Variants in CALR3 observed in about 807,000 individuals in gnomAD.
CALR3 encodes the protein calreticulin-3.
A neutral mutation model predicts 48.7 loss-of-function variants in CALR3; 39 were observed. The ratio of observed to expected loss-of-function variants is 0.80; its 90% CI spans 0.62 to 1.05. CALR3 has a LOEUF of 1.05. Among genes scored for constraint, CALR3 ranks in the 50% least tolerant of loss-of-function variants. CALR3 has a pLI of 0.00. For missense variants in CALR3, 449 were observed against 474.7 expected, an observed-to-expected ratio of 0.95 and a Z score of 0.50; for synonymous variants, 185 against 172.7, an observed-to-expected ratio of 1.07 and a Z score of -0.56.
At chr19:16,493,184 G>C (rs1261295470) in intron 2 of CALR3, among the ~76,000 whole-genome samples, 3 of 152,150 alleles carry the variant, frequency 2.0e-5, no homozygotes, top group Non-Finnish European at 4.4e-5. Flanking sequence ...CAGAGACCAG[G>C]CCTCCTCTAT....
At chr19:16,481,923 T>C (rs79187089) in intron 7 of CALR3, among the ~76,000 whole-genome samples, 449 of 126,140 alleles carry the variant, frequency 3.6e-3, no homozygotes, top group South Asian at 4.3e-3. Flanking sequence ...TTTTTTTTTT[T>C]TGAGACGGAG....
At chr19:16,481,078 C>A (rs1055787287) in intron 7 of CALR3, among the ~76,000 whole-genome samples, 1 of 151,926 alleles carries the variant, frequency 6.6e-6, no homozygotes, top group African/African-American at 2.4e-5. Flanking sequence ...CGCTTGAACC[C>A]GGGAAGCAGA....
chr19:16,480,545 C>T, intron 8 of CALR3, 69 bp downstream of exon 8: 1 of 1,034,192 alleles, frequency 9.7e-7, no homozygotes, highest in Non-Finnish European at 1.5e-6. Context: ...GAGCTAGACT[C>T]CATCTAAAAA....
chr19:16,485,318 A>C, intron 3 of CALR3, 61 bp from the exon 4 acceptor site: 2 of 1,029,044 alleles, frequency 1.9e-6, no homozygotes, highest in Non-Finnish European at 3.0e-6. Flanking sequence ...AGAATAACCA[A>C]CCCACAACCA....
intron 5 of CALR3, 114 bp from the exon 6 acceptor site, chr19:16,482,899 C>T (rs910265499): frequency 3.0e-5 from 29 of 970,680 alleles, no homozygotes; most frequent in East Asian, 1.3e-4. Flanking sequence ...GGCTGGAGTG[C>T]GGTTGTGCAA....
chr19:16,494,204 T>C (rs1427694352), intron 2 of CALR3, among the ~76,000 whole-genome samples: 3 of 150,796 alleles, frequency 2.0e-5, no homozygotes, highest in Non-Finnish European at 4.4e-5. Context: ...GGGATTATAG[T>C]TGTGCGCCAC....
chr19:16,493,377 T>C (rs1271238290), intron 2 of CALR3, among the ~76,000 whole-genome samples: 1 of 152,168 alleles, frequency 6.6e-6, no homozygotes, highest in East Asian at 1.9e-4. Context: ...TATCAAGCCT[T>C]GCCTAGAAAG....
At chr19:16,485,676 C>A (rs2122134424) in intron 3 of CALR3, among the ~76,000 whole-genome samples, 2 of 150,740 alleles carry the variant, frequency 1.3e-5, no homozygotes, top group South Asian at 4.2e-4. Context: ...TTATTTGAGA[C>A]AGAGTCTCAC....
At position 16,496,067 on chromosome 19, in the gene CALR3, G is replaced by C. The variant is rs1163504118; in HGVS notation, c.63C>G (p.Val21=). The C allele has an allele frequency of 3.7e-6, 6 of 1,604,338 alleles. No individual in the cohort carries two copies. Among genetic ancestry groups the C allele is most frequent in the Middle Eastern group, 3.4e-4 (2 of 5,944 alleles). ...CGTCTAGAAATTCCTCTTGGAAATA[G>C]ACGGTAGCCAGCGCCACTCGCAGCA... is the stretch of plus-strand genomic sequence containing the variant. ...ICMLRVALAT[V]YFQEEFLDGE... is the part of the protein sequence containing the mutation. The change falls in exon 1 of 9, where the codon GTC becomes GTG. Residue 21 remains valine (V), a synonymous_variant. Coordinates refer to ENST00000269881, the MANE Select transcript of CALR3 (RefSeq NM_145046.5).
intron 2 of CALR3, among the ~76,000 whole-genome samples, chr19:16,493,931 T>C (rs2093401816): frequency 6.6e-6 from 1 of 152,176 alleles, no homozygotes; most frequent in Non-Finnish European, 1.5e-5. Context: ...TTTCGCCATG[T>C]TGGCCGGGCT....
intron 3 of CALR3, among the ~76,000 whole-genome samples, chr19:16,486,562 A>G (rs983783833): frequency 5.4e-5 from 8 of 148,458 alleles, no homozygotes; most frequent in South Asian, 4.3e-4. Context: ...GGAGGTTGCA[A>G]TGAGCCGAGA....
At chr19:16,488,814 C>A (rs1173387314) in intron 3 of CALR3, among the ~76,000 whole-genome samples, 1 of 152,144 alleles carries the variant, frequency 6.6e-6, no homozygotes, top group Non-Finnish European at 1.5e-5. Flanking sequence ...AATCAAGTAC[C>A]CCTGTTGTCA....
rs141193510 is a variant in CALR3, at chr19:16,493,682, T to G, written c.193+2069A>C. Among the ~76,000 whole-genome samples the G allele has an allele frequency of 1.6e-3, 247 of 151,622 alleles. 2 individuals carry two copies. Among genetic ancestry groups the G allele is most frequent in the African/African-American group, 5.7e-3 (237 of 41,362 alleles). On this transcript the variant is annotated intron_variant, in intron 2 of 8. Coordinates refer to ENST00000269881, the MANE Select transcript of CALR3 (RefSeq NM_145046.5). Reference sequence around the variant, plus strand: ...CTCCTGCCTCAATCTCTCAAGTAGCTGGGACTACAGGCCTATGCCACCATG... The same window carrying G: ...CTCCTGCCTCAATCTCTCAAGTAGCGGGGACTACAGGCCTATGCCACCATG...
At chr19:16,485,069 TG>T in intron 4 of CALR3, 93 bp downstream of exon 4, 2 of 867,708 alleles carry the variant, frequency 2.3e-6, no homozygotes, top group Non-Finnish European at 3.8e-6. Context: ...GACCCATCCC[TG>T]GCTCAGTTAA....
At chr19:16,489,565 G>C (rs2093394597) in intron 3 of CALR3, among the ~76,000 whole-genome samples, 1 of 151,528 alleles carries the variant, frequency 6.6e-6, no homozygotes, top group Non-Finnish European at 1.5e-5. Flanking sequence ...GTTGCAGTGA[G>C]CCGAGATCAT....
In CALR3 at chr19:16,482,508, G is replaced by A. The variant is rs772912504; in HGVS notation, c.860C>T (p.Thr287Met). 13 of 1,614,084 alleles carry A rather than the reference G, an allele frequency of 8.1e-6. No homozygotes were observed. Among genetic ancestry groups the A allele is most frequent in the South Asian group, 4.4e-5 (4 of 91,092 alleles). The change falls in exon 7 of 9, where the codon ACG becomes ATG. Residue 287 changes from threonine to methionine, a missense_variant. By Grantham distance (81) the Thr-to-Met change is moderately conservative. Coordinates refer to ENST00000269881, the MANE Select transcript of CALR3 (RefSeq NM_145046.5). ...HRKMKNTDYL[T>M]QYDLSEFENI... ...CTCAAATTCTGAGAGGTCATACTGC[G>A]TCAAATAGTCGGTATTCTTCATCTT...
rs1247644660 is a variant in CALR3, at chr19:16,496,124, G to A, written c.6C>T (p.Ala2=). The change falls in exon 1 of 9, where the codon GCC becomes GCT. Residue 2 remains alanine (A), a synonymous_variant. Coordinates refer to ENST00000269881, the MANE Select transcript of CALR3 (RefSeq NM_145046.5). ...TGGCCCAGAGCTGGACCAAAGCCCG[G>A]GCCATGGGGGTGTGCACTGCGCTTC... M[A]RALVQLWAIC... is the part of the protein sequence containing the mutation. The A allele has an allele frequency of 6.2e-7, 1 of 1,600,558 alleles. No individual in the cohort carries two copies. The highest frequency in any genetic ancestry group is 8.5e-7 in the Non-Finnish European group (1 of 1,173,806).
Position 16,485,157 on chromosome 19 carries a change from A to G in CALR3, c.492+6T>C, listed in dbSNP as rs749453759. On this transcript the variant is annotated splice_donor_region_variant and intron_variant, in intron 4 of 8. Transcript: ENST00000269881. ...CACTCATTTATTTGAATACAAGAGC[A>G]GTTACCTTACACCTGATCAGTTTCT... The G allele has an allele frequency of 4.5e-6, 7 of 1,557,288 alleles. No individual in the cohort carries two copies. Among genetic ancestry groups the G allele is most frequent in the Non-Finnish European group, 6.2e-6 (7 of 1,128,554 alleles).
intron 7 of CALR3, among the ~76,000 whole-genome samples, chr19:16,481,068 C>T (rs941456748): frequency 5.9e-5 from 9 of 151,936 alleles, no homozygotes; most frequent in East Asian, 5.8e-4. Context: ...GTGGGAGGAT[C>T]GCTTGAACCC....
Sources: gnomAD v4.1 joint callset for allele counts (sites outside exome capture counted in the v4.1 genomes callset) on GRCh38, gnomAD v4.1.1 for gene constraint, MANE v1.5 for transcripts, NCBI Gene and HGNC (gene_info 2026-07-23, HGNC 2026-07-21) for gene names.